Variants in CSMD1 observed in about 807,000 individuals in gnomAD.
CSMD1 encodes the protein CUB and sushi domain-containing protein 1.
In CSMD1, 213 loss-of-function variants were observed where a neutral mutation model predicts 417.5. That is an observed-to-expected ratio of 0.51 (90% CI 0.46 to 0.57). The LOEUF (loss-of-function observed/expected upper bound fraction) is 0.57, where lower values mean the gene tolerates loss of function less well. Ranked by LOEUF, CSMD1 falls within the 20% of genes least tolerant of loss-of-function variation. CSMD1 has a pLI of 0.00. For missense variants in CSMD1, 6,923 were observed against 4,529.7 expected, an observed-to-expected ratio of 1.53 and a Z score of -15.17; for synonymous variants, 2,862 against 1,736.8, an observed-to-expected ratio of 1.65 and a Z score of -16.11.
At chr8:3,396,724 C>G (rs1563345161) in intron 16 of CSMD1, among the ~76,000 whole-genome samples, 1 of 151,806 alleles carries the variant, frequency 6.6e-6, no homozygotes, top group Non-Finnish European at 1.5e-5. Flanking sequence ...TAGATTATTC[C>G]CAAATAGAAA....
At chr8:3,409,735 A>G (rs1025473823) in intron 12 of CSMD1, 130 bp from the exon 13 acceptor site, 3 of 663,310 alleles carry the variant, frequency 4.5e-6, no homozygotes, top group Admixed American at 3.1e-5. Context: ...AGTGTTTCTA[A>G]AGGATATTCA....
intron 2 of CSMD1, among the ~76,000 whole-genome samples, chr8:4,471,298 G>A (rs551118114): frequency 6.6e-6 from 1 of 152,134 alleles, no homozygotes; most frequent in Non-Finnish European, 1.5e-5. Flanking sequence ...AAGTCAAACA[G>A]GTTGGTAAAA....
chr8:3,349,580 C>T (rs1585036516), intron 21 of CSMD1, among the ~76,000 whole-genome samples: 1 of 151,326 alleles, frequency 6.6e-6, no homozygotes, highest in Admixed American at 6.6e-5. Context: ...ATTGGTGACT[C>T]AAAGATGCCA....
chr8:3,943,802 G>A (rs1463075872), intron 5 of CSMD1, among the ~76,000 whole-genome samples: 1 of 151,950 alleles, frequency 6.6e-6, no homozygotes, highest in South Asian at 2.1e-4. Flanking sequence ...TAAAATAATT[G>A]GCCCTTACTC....
intron 41 of CSMD1, among the ~76,000 whole-genome samples, chr8:3,140,850 A>G (rs561968800): frequency 1.3e-4 from 20 of 152,356 alleles, no homozygotes; most frequent in African/African-American, 4.1e-4. Context: ...TCACATGTCA[A>G]AAATGCTTTG....
chr8:3,646,079 CAG>C (rs2117348684), intron 7 of CSMD1, among the ~76,000 whole-genome samples: 2 of 150,632 alleles, frequency 1.3e-5, no homozygotes, highest in South Asian at 4.2e-4. Flanking sequence ...TGAATTGTGG[CAG>C]AGTTACAAAA....
At chr8:4,584,231 T>C (rs1025116973) in intron 2 of CSMD1, among the ~76,000 whole-genome samples, 1 of 151,880 alleles carries the variant, frequency 6.6e-6, no homozygotes, top group Admixed American at 6.6e-5. Context: ...AACCCACCAA[T>C]TCCGGACACA....
At chr8:3,906,578 T>C (rs886292862) in intron 5 of CSMD1, among the ~76,000 whole-genome samples, 1 of 150,888 alleles carries the variant, frequency 6.6e-6, no homozygotes, top group African/African-American at 2.4e-5. Context: ...CCATGAGGTG[T>C]GGGATATCAT....
intron 5 of CSMD1, among the ~76,000 whole-genome samples, chr8:3,862,435 G>C (rs1053720968): frequency 1.2e-4 from 18 of 151,960 alleles, no homozygotes; most frequent in African/African-American, 4.1e-4. Context: ...ACATTCTCCT[G>C]GAATAAGTGT....
intron 3 of CSMD1, among the ~76,000 whole-genome samples, chr8:4,338,965 C>A (rs1036330444): frequency 5.3e-5 from 8 of 152,060 alleles, no homozygotes; most frequent in Non-Finnish European, 7.4e-5. Context: ...TCTGGGCATA[C>A]AGTCAATGAT....
At chr8:4,228,621 C>CA (rs1801513251) in intron 3 of CSMD1, among the ~76,000 whole-genome samples, 2 of 146,256 alleles carry the variant, frequency 1.4e-5, no homozygotes, top group South Asian at 4.3e-4. Flanking sequence ...CCTCACTTCC[C>CA]AAGTAACTTT....
intron 1 of CSMD1, among the ~76,000 whole-genome samples, chr8:4,868,598 T>G (rs1485067900): frequency 6.6e-6 from 1 of 152,094 alleles, no homozygotes; most frequent in African/African-American, 2.4e-5. Flanking sequence ...TCGTCTAAAT[T>G]GAGGCATAAT....
At chr8:3,767,062 T>C (rs1053781614) in intron 5 of CSMD1, among the ~76,000 whole-genome samples, 7 of 152,214 alleles carry the variant, frequency 4.6e-5, no homozygotes, top group African/African-American at 1.4e-4. Context: ...CTTTTCAGCA[T>C]CACTGCCTGC....
intron 54 of CSMD1, among the ~76,000 whole-genome samples, chr8:2,985,511 C>G (rs545104604): frequency 1.3e-5 from 2 of 152,110 alleles, no homozygotes; most frequent in South Asian, 4.1e-4. Context: ...TACAAAGGTT[C>G]TATACAAAGT....
At chr8:4,940,969 A>C (rs986788487) in intron 1 of CSMD1, among the ~76,000 whole-genome samples, 1 of 152,154 alleles carries the variant, frequency 6.6e-6, no homozygotes, top group African/African-American at 2.4e-5. Context: ...TGGATTTTTC[A>C]AATGTATTTT....
chr8:3,357,605 G>A (rs187270379), intron 21 of CSMD1, among the ~76,000 whole-genome samples: 49 of 152,234 alleles, frequency 3.2e-4, no homozygotes, highest in African/African-American at 1.1e-3. Flanking sequence ...CATTTAATGG[G>A]TCTTAATCAT....
intron 1 of CSMD1, among the ~76,000 whole-genome samples, chr8:4,901,666 C>G (rs1381669951): frequency 6.6e-6 from 1 of 152,140 alleles, no homozygotes; most frequent in African/African-American, 2.4e-5. Flanking sequence ...CTCTTTGTAG[C>G]TTTAAAAAAT....
At chr8:4,607,782 C>T (rs1800958619) in intron 2 of CSMD1, among the ~76,000 whole-genome samples, 1 of 152,290 alleles carries the variant, frequency 6.6e-6, no homozygotes, top group Non-Finnish European at 1.5e-5. Context: ...TGAGTAAATC[C>T]TCACTCCCTT....
At chr8:3,896,342 C>T (rs1807363726) in intron 5 of CSMD1, among the ~76,000 whole-genome samples, 1 of 152,070 alleles carries the variant, frequency 6.6e-6, no homozygotes, top group Admixed American at 6.6e-5. Context: ...ACTCACTTTG[C>T]TGAATTAGCA....
Sources: gnomAD v4.1 joint callset for allele counts (sites outside exome capture counted in the v4.1 genomes callset) on GRCh38, gnomAD v4.1.1 for gene constraint, MANE v1.5 for transcripts, NCBI Gene and HGNC (gene_info 2026-07-23, HGNC 2026-07-21) for gene names.